Variants in PPFIA2 observed in about 807,000 individuals in gnomAD.
PPFIA2 encodes liprin-alpha-2.
In PPFIA2, 46 loss-of-function variants were observed where a neutral mutation model predicts 175.5. The ratio of observed to expected loss-of-function variants is 0.26; its 90% confidence interval spans 0.21 to 0.34. The LOEUF is 0.34. Among genes scored for constraint, PPFIA2 ranks in the 10% least tolerant of loss-of-function variants. The pLI, the probability that PPFIA2 is intolerant of heterozygous loss-of-function variation, is 1.00. For synonymous variants in PPFIA2, 568 were observed against 511.4 expected, an observed-to-expected ratio of 1.11 and a Z score of -1.49; for missense variants, 1,179 against 1,506.1, an observed-to-expected ratio of 0.78 and a Z score of 3.60.
chr12:81,405,633 C>G (rs2042798626), intron 8 of PPFIA2, among the ~76,000 whole-genome samples, 154 bp downstream of exon 8: 1 of 151,876 alleles, frequency 6.6e-6, no homozygotes, highest in Non-Finnish European at 1.5e-5. Context: ...AAAATAAGAA[C>G]AAATATTAGA....
chr12:81,692,539 T>C (rs575986311), intron 3 of PPFIA2, among the ~76,000 whole-genome samples: 1 of 152,264 alleles, frequency 6.6e-6, no homozygotes, highest in South Asian at 2.1e-4. Context: ...CATTATAAAA[T>C]AAAAATATTT....
At chr12:81,758,614 C>T in intron 1 of PPFIA2, 107 bp from the exon 2 acceptor site, 1 of 350,364 alleles carries the variant, frequency 2.9e-6, no homozygotes, top group East Asian at 7.6e-5. Flanking sequence ...CTTCCCGTGG[C>T]TCCGTCAGCA....
intron 4 of PPFIA2, among the ~76,000 whole-genome samples, chr12:81,509,927 A>C (rs1319100025): frequency 6.6e-6 from 1 of 152,170 alleles, no homozygotes; most frequent in Non-Finnish European, 1.5e-5. Flanking sequence ...GCTATCTGTT[A>C]GATGTTAAAG....
chr12:81,308,377 T>C (rs980557536), intron 22 of PPFIA2, among the ~76,000 whole-genome samples: 1 of 152,180 alleles, frequency 6.6e-6, no homozygotes, highest in Non-Finnish European at 1.5e-5. Context: ...AGATACATAT[T>C]GACACACATT....
intron 4 of PPFIA2, among the ~76,000 whole-genome samples, chr12:81,568,165 T>C (rs1189654532): frequency 1.3e-5 from 2 of 152,232 alleles, no homozygotes; most frequent in Non-Finnish European, 2.9e-5. Context: ...TTTAATCCAA[T>C]CTGATAATTT....
At chr12:81,330,938 A>C (rs1406526561) in intron 21 of PPFIA2, among the ~76,000 whole-genome samples, 1 of 152,238 alleles carries the variant, frequency 6.6e-6, no homozygotes, top group Non-Finnish European at 1.5e-5. Context: ...ATTGGAGCTA[A>C]ATACTACTTT....
chr12:81,671,257 T>G (rs925453904), intron 4 of PPFIA2, among the ~76,000 whole-genome samples: 2 of 151,980 alleles, frequency 1.3e-5, no homozygotes, highest in African/African-American at 4.8e-5. Flanking sequence ...GGCCTCAGTC[T>G]GCTTCCAAAC....
At chr12:81,701,323 C>T (rs1049850284) in intron 3 of PPFIA2, among the ~76,000 whole-genome samples, 4 of 152,236 alleles carry the variant, frequency 2.6e-5, no homozygotes, top group African/African-American at 9.6e-5. Flanking sequence ...TGACCTGCTG[C>T]CTCCATATTA....
chr12:81,338,604 C>CA (rs72511331), intron 21 of PPFIA2, among the ~76,000 whole-genome samples: 78,977 of 150,606 alleles, frequency 0.52, 22,056 homozygotes, highest in Non-Finnish European at 0.65. Context: ...TAGTTTTAAG[C>CA]AAAAAAAAAT....
At chr12:81,342,899 T>C (rs2058382182) in intron 19 of PPFIA2, among the ~76,000 whole-genome samples, 1 of 151,760 alleles carries the variant, frequency 6.6e-6, no homozygotes, top group Non-Finnish European at 1.5e-5. Flanking sequence ...CATGTATACA[T>C]ATGTAACTAA....
At chr12:81,448,741 C>T (rs1200154173) in intron 5 of PPFIA2, among the ~76,000 whole-genome samples, 1 of 152,218 alleles carries the variant, frequency 6.6e-6, no homozygotes, top group Non-Finnish European at 1.5e-5. Context: ...CTAACTAAAA[C>T]ATTCTCTTTC....
At chr12:81,610,071 T>G (rs2153466079) in intron 4 of PPFIA2, among the ~76,000 whole-genome samples, 1 of 152,298 alleles carries the variant, frequency 6.6e-6, no homozygotes, top group Non-Finnish European at 1.5e-5. Context: ...GGTTGATTTT[T>G]TAAGGACACT....
At chr12:81,442,901 T>TATA in intron 6 of PPFIA2, among the ~76,000 whole-genome samples, 1 of 54,686 alleles carries the variant, frequency 1.8e-5, no homozygotes, top group African/African-American at 6.4e-5. Flanking sequence ...ATATATATAG[T>TATA]ATTACTTGTT....
In PPFIA2 at chr12:81,515,971, A is replaced by ATT. The variant is rs368297217; in HGVS notation, c.304-58107_304-58106dup. On this transcript the variant is annotated intron_variant, in intron 4 of 32. Transcript: ENST00000549396. ...AGACCTTAAACTCCCAGCATGCCAA[A>ATT]TTTTTTTTTTTGTATCTCATGGTTT... Among the ~76,000 whole-genome samples, 506 of 149,426 alleles carry ATT rather than the reference A, an allele frequency of 3.4e-3. 2 individuals carry two copies. Among genetic ancestry groups the ATT allele is most frequent in the African/African-American group, 8.9e-3 (362 of 40,836 alleles).
chr12:81,723,653 T>A lies in PPFIA2; in HGVS notation c.249+30320A>T, dbSNP rs551835634. Among the ~76,000 whole-genome samples the A allele has an allele frequency of 3.3e-5, 5 of 151,180 alleles. No homozygotes were observed. In the South Asian group the frequency reaches 1.0e-3, roughly 31 times the overall value. ...GTCATCACTTTATAGAACACAATTA[T>A]CTATACACATTGAAAAGCTTCCAGT... On this transcript the variant is annotated intron_variant, in intron 3 of 32. Coordinates refer to ENST00000549396, the MANE Select transcript of PPFIA2 (RefSeq NM_003625.5).
At chr12:81,406,621 A>G (rs1224958721) in intron 7 of PPFIA2, among the ~76,000 whole-genome samples, 1 of 152,094 alleles carries the variant, frequency 6.6e-6, no homozygotes, top group Non-Finnish European at 1.5e-5. Flanking sequence ...AGAGTGAAAA[A>G]TAGTATTTCA....
chr12:81,572,074 A>G (rs748614273), intron 4 of PPFIA2, among the ~76,000 whole-genome samples: 10 of 152,070 alleles, frequency 6.6e-5, no homozygotes, highest in Non-Finnish European at 1.2e-4. Flanking sequence ...CTGTCTGATC[A>G]CCTTGTCACT....
At chr12:81,319,978 T>A (rs931965947) in intron 22 of PPFIA2, among the ~76,000 whole-genome samples, 2 of 151,972 alleles carry the variant, frequency 1.3e-5, no homozygotes, top group Non-Finnish European at 2.9e-5. Flanking sequence ...GTATATAGAA[T>A]ACTCAGATGG....
chr12:81,629,118 A>G (rs1459658673), intron 4 of PPFIA2, among the ~76,000 whole-genome samples: 1 of 152,178 alleles, frequency 6.6e-6, no homozygotes, highest in African/African-American at 2.4e-5. Context: ...ATGAACATAA[A>G]TGAGATCATA....
Sources: gnomAD v4.1 joint callset for allele counts (sites outside exome capture counted in the v4.1 genomes callset) on GRCh38, gnomAD v4.1.1 for gene constraint, MANE v1.5 for transcripts, NCBI Gene and HGNC (gene_info 2026-07-23, HGNC 2026-07-21) for gene names.